The following DDC variants were observed in gnomAD, a reference collection of about 807,000 sequenced individuals.
The protein encoded by DDC is aromatic-L-amino-acid decarboxylase.
Under a neutral mutation model 60.0 loss-of-function variants are expected in DDC, and 43 were observed. The ratio of observed to expected loss-of-function variants is 0.72; its 90% confidence interval spans 0.56 to 0.92. DDC has a LOEUF of 0.92. Ranked by LOEUF, DDC falls within the 40% of genes least tolerant of loss-of-function variation. The pLI is 0.00. For missense variants in DDC, 573 were observed against 620.2 expected, an observed-to-expected ratio of 0.92 and a Z score of 0.81; for synonymous variants, 232 against 234.6, an observed-to-expected ratio of 0.99 and a Z score of 0.10.
chr7:50,459,186 A>G (rs139145428), intron 14 of DDC, among the ~76,000 whole-genome samples: 3,124 of 152,000 alleles, frequency 0.021, 119 homozygotes, highest in African/African-American at 0.07. Context: ...CTCCAGCTCC[A>G]AACTGCGAGT....
intron 11 of DDC, 127 bp from the exon 12 acceptor site, chr7:50,470,298 G>A: frequency 1.3e-6 from 1 of 746,912 alleles, no homozygotes; most frequent in Non-Finnish European, 2.4e-6. Flanking sequence ...TGCTCCCATT[G>A]CCATGGCCTG....
chr7:50,512,085 T>C (rs2043596138), intron 6 of DDC, among the ~76,000 whole-genome samples: 1 of 151,944 alleles, frequency 6.6e-6, no homozygotes, highest in Admixed American at 6.5e-5. Flanking sequence ...AAAAATAAAA[T>C]AAAGCACACA....
intron 6 of DDC, among the ~76,000 whole-genome samples, chr7:50,506,936 T>A (rs1181600451): frequency 6.6e-6 from 1 of 152,212 alleles, no homozygotes; most frequent in East Asian, 1.9e-4. Context: ...AGTCATTTAG[T>A]GGGAATTGAA....
chr7:50,474,355 G>C (rs949680232), intron 11 of DDC, among the ~76,000 whole-genome samples: 2 of 152,208 alleles, frequency 1.3e-5, no homozygotes, highest in African/African-American at 4.8e-5. Context: ...AAGACAGAAG[G>C]GGACAGAAAG....
chr7:50,487,468 T>C (rs757676160), intron 9 of DDC, among the ~76,000 whole-genome samples: 2 of 152,164 alleles, frequency 1.3e-5, no homozygotes, highest in Non-Finnish European at 2.9e-5. Flanking sequence ...TTAGAGGACC[T>C]TTCTACTGGT....
intron 4 of DDC, among the ~76,000 whole-genome samples, chr7:50,535,817 G>A (rs1585251213): frequency 6.6e-6 from 1 of 152,192 alleles, no homozygotes; most frequent in Non-Finnish European, 1.5e-5. Flanking sequence ...TGACTTTGCT[G>A]ATGTGATTAA....
In DDC at chr7:50,480,655, C is replaced by T. The variant is rs11575449; in HGVS notation, c.945-792G>A. On this transcript the variant is annotated intron_variant, in intron 9 of 14. Coordinates refer to ENST00000444124, the MANE Select transcript of DDC (RefSeq NM_001082971.2). Reference sequence around the variant, plus strand: ...AGTCAGAATAGGAGTGAGTTTAGGACACCCAGCTGGTGTCTGCAGAGTTGG... The same window carrying T: ...AGTCAGAATAGGAGTGAGTTTAGGATACCCAGCTGGTGTCTGCAGAGTTGG... 2.1e-3 allele frequency among the ~76,000 whole-genome samples: 326 copies of T among 152,306 alleles called. 1 individual carries two copies. Among genetic ancestry groups the T allele is most frequent in the Non-Finnish European group, 3.8e-3 (261 of 68,034 alleles).
intron 1 of DDC, among the ~76,000 whole-genome samples, chr7:50,562,224 C>G (rs573780157): frequency 2.6e-5 from 4 of 152,244 alleles, no homozygotes; most frequent in Non-Finnish European, 5.9e-5. Context: ...GGGCGGGGAC[C>G]TGGCAGGTGG....
chr7:50,504,690 TG>T (rs1016000454), intron 6 of DDC, among the ~76,000 whole-genome samples: 4 of 152,006 alleles, frequency 2.6e-5, no homozygotes, highest in East Asian at 3.9e-4. Context: ...TTTCCTAGTT[TG>T]GGGGGGTGTG....
chr7:50,533,201 C>T (rs1444197058), intron 4 of DDC, among the ~76,000 whole-genome samples: 2 of 151,930 alleles, frequency 1.3e-5, no homozygotes, highest in African/African-American at 4.8e-5. Context: ...CATATATTCA[C>T]ATGTAGATAC....
intron 6 of DDC, among the ~76,000 whole-genome samples, chr7:50,527,133 T>C (rs1440740388): frequency 6.6e-6 from 1 of 152,240 alleles, no homozygotes; most frequent in Non-Finnish European, 1.5e-5. Flanking sequence ...TGACTTCATA[T>C]ATTTCGCATG....
At chr7:50,520,103 G>T (rs1178396373) in intron 6 of DDC, among the ~76,000 whole-genome samples, 3 of 152,194 alleles carry the variant, frequency 2.0e-5, no homozygotes, top group African/African-American at 7.2e-5. Flanking sequence ...CCCTTTGTCA[G>T]AAATGGACAG....
chr7:50,509,963 A>T (rs1250937754), intron 6 of DDC, among the ~76,000 whole-genome samples: 1 of 150,720 alleles, frequency 6.6e-6, no homozygotes, highest in Non-Finnish European at 1.5e-5. Context: ...TACTTATATA[A>T]GATACTTACG....
intron 11 of DDC, among the ~76,000 whole-genome samples, chr7:50,475,025 T>C (rs1276676423): frequency 6.6e-6 from 1 of 152,166 alleles, no homozygotes; most frequent in African/African-American, 2.4e-5. Flanking sequence ...AATTATACCA[T>C]ATAACATGGG....
chr7:50,504,339 C>T (rs900073044), intron 6 of DDC, among the ~76,000 whole-genome samples: 1 of 152,152 alleles, frequency 6.6e-6, no homozygotes, highest in Non-Finnish European at 1.5e-5. Flanking sequence ...TTGGGGCAGA[C>T]ATGAAGCAAT....
chr7:50,540,216 C>T (rs935471516), intron 2 of DDC, 188 bp from the exon 3 acceptor site: 24 of 625,302 alleles, frequency 3.8e-5, no homozygotes, highest in African/African-American at 1.8e-4. Flanking sequence ...TTACACATCA[C>T]CTTACTGTCC....
At chr7:50,460,213 C>T (rs1224052552) in intron 14 of DDC, among the ~76,000 whole-genome samples, 3 of 146,142 alleles carry the variant, frequency 2.1e-5, no homozygotes, top group Non-Finnish European at 3.0e-5. Flanking sequence ...CCCGGCCAGC[C>T]GCCCCGTCCG....
intron 12 of DDC, among the ~76,000 whole-genome samples, chr7:50,467,656 G>A (rs766343991): frequency 6.6e-6 from 1 of 152,200 alleles, no homozygotes; most frequent in African/African-American, 2.4e-5. Context: ...AATGCCCATC[G>A]AGTTGCTCCT....
At chr7:50,495,521 C>T (rs2153538996) in intron 8 of DDC, 104 bp from the exon 9 acceptor site, 1 of 952,354 alleles carries the variant, frequency 1.1e-6, no homozygotes, top group African/African-American at 1.6e-5. Context: ...CACAACTAAT[C>T]CACAGTGGTA....
Sources: gnomAD v4.1 joint callset for allele counts (sites outside exome capture counted in the v4.1 genomes callset) on GRCh38, gnomAD v4.1.1 for gene constraint, MANE v1.5 for transcripts, NCBI Gene and HGNC (gene_info 2026-07-23, HGNC 2026-07-21) for gene names.